The following PTCHD4 variants were observed in gnomAD, a reference collection of about 807,000 sequenced individuals.
PTCHD4 encodes patched domain containing 4.
Under a neutral mutation model 58.1 loss-of-function variants are expected in PTCHD4, and 33 were observed. That is an observed-to-expected ratio of 0.57 (90% CI 0.43 to 0.76). The LOEUF (loss-of-function observed/expected upper bound fraction) is 0.76, where lower values mean the gene tolerates loss of function less well. PTCHD4 is among the 30% of genes least tolerant of loss of function. The pLI is 0.00. For missense variants in PTCHD4, 1,058 were observed against 1,027.1 expected, an observed-to-expected ratio of 1.03 and a Z score of -0.41; for synonymous variants, 478 against 409.6, an observed-to-expected ratio of 1.17 and a Z score of -2.02.
intron 4 of PTCHD4, among the ~76,000 whole-genome samples, chr6:47,994,833 G>C (rs878920055): frequency 6.6e-6 from 1 of 152,136 alleles, no homozygotes; most frequent in East Asian, 1.9e-4. Context: ...GATAGGGTGA[G>C]GGAATACAGG....
In PTCHD4 at chr6:47,857,078, A is replaced by G. The variant is rs529498707; in HGVS notation, c.*21225T>C. Among the ~76,000 whole-genome samples the G allele has an allele frequency of 2.0e-5, 3 of 152,194 alleles. No homozygotes were observed. The highest frequency in any genetic ancestry group is 4.4e-5 in the Non-Finnish European group (3 of 67,982). On this transcript the variant is annotated 3_prime_UTR_variant, in exon 5 of 5. Coordinates refer to ENST00000339488, the MANE Select transcript of PTCHD4 (RefSeq NM_001384253.1). ...AAATAATCTTTTAGAGAAAATTTAG[A>G]CACAAGAAATCATATTATATAGTAT...
intron 4 of PTCHD4, among the ~76,000 whole-genome samples, chr6:47,980,145 C>A (rs1767827616): frequency 6.6e-6 from 1 of 152,096 alleles, no homozygotes; most frequent in African/African-American, 2.4e-5. Flanking sequence ...AAATCAAACA[C>A]ACTTTTTTAA....
At chr6:48,051,326 A>G (rs1373031194) in intron 3 of PTCHD4, among the ~76,000 whole-genome samples, 3 of 152,020 alleles carry the variant, frequency 2.0e-5, no homozygotes, top group African/African-American at 7.2e-5. Context: ...TCCTTATTAA[A>G]AATGCTCAAC....
chr6:47,878,396 G>A lies in PTCHD4; in HGVS notation c.2439C>T (p.His813=). ...FLTFFPPSKK[H]HKKKKRAKRK... ...GCTTGGCACGTTTCTTTTTCTTGTG[G>A]TGCTTTTTGGAAGGGGGGAAAAACG... Residue 813 remains histidine (H), a synonymous_variant, in exon 5 of 5, where the codon CAC becomes CAT. Transcript: ENST00000339488. The A allele has an allele frequency of 1.2e-6, 2 of 1,613,148 alleles. No homozygotes were observed. Among genetic ancestry groups the A allele is most frequent in the South Asian group, 2.2e-5 (2 of 91,044 alleles).
chr6:48,102,291 A>C (rs1482073662), intron 1 of PTCHD4, among the ~76,000 whole-genome samples: 1 of 152,214 alleles, frequency 6.6e-6, no homozygotes, highest in Non-Finnish European at 1.5e-5. Flanking sequence ...TTAATAGCCT[A>C]GATGTGAGTG....
At chr6:47,974,539 T>C (rs1404556326) in intron 4 of PTCHD4, among the ~76,000 whole-genome samples, 1 of 152,080 alleles carries the variant, frequency 6.6e-6, no homozygotes, top group Non-Finnish European at 1.5e-5. Flanking sequence ...GTCCTGTGCA[T>C]TGTAGTATGT....
In PTCHD4 at chr6:47,943,169, T is replaced by C. The variant is rs567651078; in HGVS notation, c.899-63233A>G. 1.7e-4 allele frequency among the ~76,000 whole-genome samples: 26 copies of C among 152,312 alleles called. 1 individual carries two copies. The highest frequency in any genetic ancestry group is 6.3e-4 in the African/African-American group (26 of 41,574). ...TTAAGCACTGAGAAAATTTATTTTT[T>C]GTATTTGAAATTCTTATAAATGTAA... On this transcript the variant is annotated intron_variant, in intron 4 of 4. Transcript: ENST00000339488.
At chr6:47,886,295 TAC>T (rs1764193761) in intron 4 of PTCHD4, among the ~76,000 whole-genome samples, 2 of 152,286 alleles carry the variant, frequency 1.3e-5, no homozygotes, top group South Asian at 4.1e-4. Flanking sequence ...TAATGCTCTC[TAC>T]TGAGTTTTTC....
chr6:47,892,349 C>A (rs960937117), intron 4 of PTCHD4, among the ~76,000 whole-genome samples: 11 of 152,118 alleles, frequency 7.2e-5, no homozygotes, highest in African/African-American at 2.4e-4. Flanking sequence ...ACAATCTTAT[C>A]ATTTGTTGAG....
chr6:47,957,797 G>A (rs1297101220), intron 4 of PTCHD4, among the ~76,000 whole-genome samples: 1 of 151,620 alleles, frequency 6.6e-6, no homozygotes, highest in Non-Finnish European at 1.5e-5. Context: ...GTAGAAAAAG[G>A]GTTTCATCGT....
intron 3 of PTCHD4, among the ~76,000 whole-genome samples, chr6:48,009,820 C>A (rs1446943385): frequency 6.6e-6 from 1 of 152,154 alleles, no homozygotes; most frequent in African/African-American, 2.4e-5. Flanking sequence ...GTAGACAAAT[C>A]CCCTAAATTA....
intron 4 of PTCHD4, among the ~76,000 whole-genome samples, chr6:47,932,187 C>T (rs893104817): frequency 1.3e-5 from 2 of 152,164 alleles, no homozygotes; most frequent in African/African-American, 2.4e-5. Context: ...AGCTGATTTC[C>T]GCCTTCACTA....
At chr6:47,985,867 T>C (rs9473214) in intron 4 of PTCHD4, among the ~76,000 whole-genome samples, 35,876 of 151,870 alleles carry the variant, frequency 0.24, 4,401 homozygotes, top group African/African-American at 0.26. Flanking sequence ...TTGACTTGTT[T>C]GGTTTTTCAA....
intron 1 of PTCHD4, among the ~76,000 whole-genome samples, chr6:48,106,486 G>A (rs1184848375): frequency 1.3e-5 from 2 of 152,120 alleles, no homozygotes; most frequent in Admixed American, 6.5e-5. Flanking sequence ...CAAACCCACA[G>A]CCAATATCAT....
intron 3 of PTCHD4, among the ~76,000 whole-genome samples, chr6:48,025,694 T>A (rs1763220619): frequency 6.6e-6 from 1 of 152,206 alleles, no homozygotes; most frequent in South Asian, 2.1e-4. Flanking sequence ...TGTAATTTGT[T>A]ACATAAGCAG....
chr6:48,041,547 TC>T (rs1157083169), intron 3 of PTCHD4, among the ~76,000 whole-genome samples: 2 of 152,036 alleles, frequency 1.3e-5, no homozygotes, highest in Non-Finnish European at 2.9e-5. Context: ...GTGTTTTAAT[TC>T]AGCACTCTCA....
At position 47,880,627 on chromosome 6, in the gene PTCHD4, T is replaced by C. The variant is rs146303272; in HGVS notation, c.899-691A>G. Among the ~76,000 whole-genome samples, 141 of 152,270 alleles carry C rather than the reference T, an allele frequency of 9.3e-4. 2 individuals carry two copies. The highest frequency in any genetic ancestry group is 6.8e-3 in the Middle Eastern group (2 of 294). On this transcript the variant is annotated intron_variant, in intron 4 of 4. Transcript: ENST00000339488. ...TTCCTTTGGGCTCCTCATAGAGCTC[T>C]GATTCACGTGAGATGGATGCTGACT...
At chr6:47,988,363 C>A (rs761642752) in intron 4 of PTCHD4, among the ~76,000 whole-genome samples, 1 of 152,140 alleles carries the variant, frequency 6.6e-6, no homozygotes, top group Non-Finnish European at 1.5e-5. Flanking sequence ...CTATCACATA[C>A]TTATAGATAA....
At chr6:47,991,890 A>T (rs1366551950) in intron 4 of PTCHD4, among the ~76,000 whole-genome samples, 1 of 152,124 alleles carries the variant, frequency 6.6e-6, no homozygotes, top group Non-Finnish European at 1.5e-5. Flanking sequence ...AAGATGGTTA[A>T]TAAAAAAAGA....
Sources: allele counts gnomAD v4.1 joint callset (sites outside exome capture counted in the v4.1 genomes callset), GRCh38; gene constraint gnomAD v4.1.1; transcripts MANE v1.5; gene names NCBI Gene and HGNC (gene_info 2026-07-23, HGNC 2026-07-21).